The following ACBD6 variants were observed in gnomAD, a reference collection of about 807,000 sequenced individuals.
ACBD6 encodes acyl-CoA binding domain containing 6.
A neutral mutation model predicts 37.2 loss-of-function variants in ACBD6; 28 were observed. The ratio of observed to expected loss-of-function variants is 0.75; its 90% CI spans 0.56 to 1.03. The LOEUF is 1.03. ACBD6 is among the 50% of genes least tolerant of loss of function. The pLI is 0.00. For synonymous variants in ACBD6, 113 were observed against 126.8 expected, an observed-to-expected ratio of 0.89 and a Z score of 0.73; for missense variants, 340 against 337.4, an observed-to-expected ratio of 1.01 and a Z score of -0.06.
chr1:180,464,925 A>G (rs148084810), intron 3 of ACBD6, among the ~76,000 whole-genome samples: 12 of 152,312 alleles, frequency 7.9e-5, no homozygotes, highest in African/African-American at 2.9e-4. Context: ...GACAAAAGCA[A>G]TGAGGAAAAG....
rs565876296 is a variant in ACBD6, at chr1:180,439,568, C to T, written c.385-9306G>A. Among the ~76,000 whole-genome samples the T allele has an allele frequency of 1.3e-4, 20 of 150,378 alleles. No individual in the cohort carries two copies. The South Asian group carries it at 2.9e-3, about 22-fold the overall frequency. On this transcript the variant is annotated intron_variant, in intron 3 of 7. Coordinates refer to ENST00000367595, the MANE Select transcript of ACBD6 (RefSeq NM_032360.4). ...TTGCGCTACTGCACTCCAGCCTGGG[C>T]GACACAGCGAGACTCCGTCTCAAAA...
chr1:180,369,897 T>C (rs1221175173), intron 6 of ACBD6, among the ~76,000 whole-genome samples: 1 of 152,214 alleles, frequency 6.6e-6, no homozygotes, highest in East Asian at 1.9e-4. Flanking sequence ...AATAAGCATA[T>C]TGACCAGATA....
exon 14 of ACBD6, chr1:180,271,359 A>G: frequency 1.2e-6 from 2 of 1,614,108 alleles, no homozygotes. Context: ...GAAGCCAGTA[A>G]GCAGTGGTTT....
intron 7 of ACBD6, among the ~76,000 whole-genome samples, chr1:180,313,776 C>T (rs1190218431): frequency 6.6e-6 from 1 of 152,166 alleles, no homozygotes; most frequent in East Asian, 1.9e-4. Flanking sequence ...AGTGATCCTC[C>T]TGCCTCAGCC....
chr1:180,439,481 C>G (rs975274851), intron 3 of ACBD6, among the ~76,000 whole-genome samples: 2 of 152,148 alleles, frequency 1.3e-5, no homozygotes, highest in African/African-American at 4.8e-5. Context: ...GTCCCAGTTA[C>G]TCAGGAGGCT....
chr1:180,433,008 T>C (rs1268981540), intron 3 of ACBD6, among the ~76,000 whole-genome samples: 1 of 152,090 alleles, frequency 6.6e-6, no homozygotes, highest in Non-Finnish European at 1.5e-5. Flanking sequence ...CCAATCCTCT[T>C]CATACATCAA....
chr1:180,430,243 T>C lies in ACBD6; in HGVS notation c.404A>G (p.Lys135Arg), dbSNP rs1023081216. 6.8e-6 allele frequency: 11 copies of C among 1,613,280 alleles called. No homozygotes were observed. The highest frequency in any genetic ancestry group is 1.3e-5 in the African/African-American group (1 of 74,894). The change falls in exon 4 of 8, where the codon AAA (lysine) becomes AGA (arginine). Residue 135 changes from lysine to arginine, a missense_variant. Physicochemically the swap from Lys to Arg is conservative, Grantham distance 26. Transcript: ENST00000367595. ...CCCACCAAAACCTGTATTTGCTTCT[T>C]TTCCTTTCTTCTCTGGTATCTGTGG... ...WNPQIPEKKG[K>R]EANTGFGGPV...
chr1:180,444,923 A>G (rs921159138), intron 3 of ACBD6, among the ~76,000 whole-genome samples: 19 of 152,300 alleles, frequency 1.2e-4, no homozygotes, highest in Non-Finnish European at 1.9e-4. Flanking sequence ...TTTTTCTTCT[A>G]TTCCTAAGAT....
intron 6 of ACBD6, among the ~76,000 whole-genome samples, chr1:180,326,866 T>C (rs1389709337): frequency 1.3e-5 from 2 of 152,062 alleles, no homozygotes; most frequent in African/African-American, 4.8e-5. Context: ...GGCCGTGGAA[T>C]GGGGGCTTCA....
chr1:180,284,952 G>C (rs977837311), downstream of ACBD6, among the ~76,000 whole-genome samples: 7 of 152,012 alleles, frequency 4.6e-5, no homozygotes, highest in Non-Finnish European at 1.0e-4. Flanking sequence ...AGGAGTTCTA[G>C]ATCAGCCTGG....
At chr1:180,441,639 T>C (rs1649283585) in intron 3 of ACBD6, among the ~76,000 whole-genome samples, 1 of 152,234 alleles carries the variant, frequency 6.6e-6, no homozygotes, top group South Asian at 2.1e-4. Context: ...TAAAGGCTAT[T>C]GTAAATGGAA....
intron 7 of ACBD6, among the ~76,000 whole-genome samples, chr1:180,312,936 C>T (rs913215470): frequency 2.6e-5 from 4 of 152,178 alleles, no homozygotes; most frequent in African/African-American, 9.7e-5. Flanking sequence ...ACGCAGAAGT[C>T]TGGCTTACGA....
chr1:180,333,702 A>C (rs1466621464), intron 6 of ACBD6, among the ~76,000 whole-genome samples: 2 of 152,224 alleles, frequency 1.3e-5, no homozygotes, highest in Non-Finnish European at 2.9e-5. Context: ...AGCGTGAGCC[A>C]AAGCAGGGCA....
chr1:180,460,546 C>A (rs1289987093), intron 3 of ACBD6, among the ~76,000 whole-genome samples: 2 of 151,222 alleles, frequency 1.3e-5, no homozygotes, highest in Non-Finnish European at 2.9e-5. Context: ...TCTGTACCCT[C>A]CCTGGGATGG....
At chr1:180,417,976 C>T (rs900633451) in intron 4 of ACBD6, among the ~76,000 whole-genome samples, 5 of 151,968 alleles carry the variant, frequency 3.3e-5, no homozygotes, top group East Asian at 1.9e-4. Flanking sequence ...AAAATAATGC[C>T]GTCATCTCAC....
chr1:180,436,222 A>G (rs1289515303), intron 3 of ACBD6, among the ~76,000 whole-genome samples: 1 of 152,174 alleles, frequency 6.6e-6, no homozygotes, highest in Non-Finnish European at 1.5e-5. Context: ...TGCAAGTGGA[A>G]GCTGATAATA....
chr1:180,444,281 C>G (rs1649394946), intron 3 of ACBD6, among the ~76,000 whole-genome samples: 1 of 142,954 alleles, frequency 7.0e-6, no homozygotes, highest in South Asian at 2.2e-4. Flanking sequence ...GAGATTCCGT[C>G]TCTCCAAAAA....
In ACBD6 at chr1:180,340,855, GT is replaced by G. The variant is rs1390802728; in HGVS notation, c.664-26134del. Among the ~76,000 whole-genome samples the G allele has an allele frequency of 2.0e-5, 3 of 152,086 alleles. No homozygotes were observed. In the East Asian group the frequency reaches 5.8e-4, roughly 29 times the overall value. ...CGGAAGTTCTTTTTTAATGGCTCCTGTTTCATCAGTTAAACGGGAAGGAAGG... is the reference window on the plus strand; with the variant it reads ...CGGAAGTTCTTTTTTAATGGCTCCTGTTCATCAGTTAAACGGGAAGGAAGG... On this transcript the variant is annotated intron_variant, in intron 6 of 7. Coordinates refer to ENST00000367595, the MANE Select transcript of ACBD6 (RefSeq NM_032360.4).
At chr1:180,401,331 C>T (rs905903136) in intron 5 of ACBD6, among the ~76,000 whole-genome samples, 1 of 152,134 alleles carries the variant, frequency 6.6e-6, no homozygotes, top group Non-Finnish European at 1.5e-5. Context: ...AGCAGCTAAC[C>T]TATTAAGTGG....
Sources: allele counts gnomAD v4.1 joint callset (sites outside exome capture counted in the v4.1 genomes callset), GRCh38; gene constraint gnomAD v4.1.1; transcripts MANE v1.5; gene names NCBI Gene and HGNC (gene_info 2026-07-23, HGNC 2026-07-21).